The following NALF1 variants were observed in gnomAD, a reference collection of about 807,000 sequenced individuals.
NALF1 encodes the protein NALCN channel auxiliary factor 1, also known as family with sequence similarity 155 member A.
In NALF1, 3 loss-of-function variants were observed where a neutral mutation model predicts 48.4. That is an observed-to-expected ratio of 0.06 (90% CI 0.03 to 0.16). NALF1 has a LOEUF of 0.16. Ranked by LOEUF, NALF1 falls within the 10% of genes least tolerant of loss-of-function variation. The probability of loss-of-function intolerance (pLI) is 1.00; values close to 1 mark genes in which losing one functional copy is unlikely to be tolerated. For missense variants in NALF1, 526 were observed against 571.5 expected, an observed-to-expected ratio of 0.92 and a Z score of 0.81; for synonymous variants, 262 against 245.7, an observed-to-expected ratio of 1.07 and a Z score of -0.62.
chr13:107,797,822 T>G (rs944799183), intron 1 of NALF1, among the ~76,000 whole-genome samples: 1 of 152,136 alleles, frequency 6.6e-6, no homozygotes. Flanking sequence ...GAATCAATCT[T>G]ATATTTGAAT....
chr13:107,396,329 TG>T (rs1462707651), intron 1 of NALF1, among the ~76,000 whole-genome samples: 3 of 152,184 alleles, frequency 2.0e-5, no homozygotes, highest in African/African-American at 7.2e-5. Flanking sequence ...GGAAGCGTTC[TG>T]TGTTCGCAAA....
intron 1 of NALF1, among the ~76,000 whole-genome samples, chr13:107,797,397 G>A (rs749565814): frequency 1.3e-5 from 2 of 152,052 alleles, no homozygotes; most frequent in Non-Finnish European, 2.9e-5. Flanking sequence ...TTTTAGTAGA[G>A]AGGGGGTTTC....
chr13:107,788,273 T>A (rs1384602906), intron 1 of NALF1: 1 of 152,224 alleles, frequency 6.6e-6, no homozygotes, highest in East Asian at 1.9e-4. Flanking sequence ...TTGCCCTCAC[T>A]GATCTGTTGT....
chr13:107,749,439 G>A (rs79387638), intron 1 of NALF1, among the ~76,000 whole-genome samples: 2,029 of 151,792 alleles, frequency 0.013, 27 homozygotes, highest in African/African-American at 0.038. Context: ...TGTTCCAGGC[G>A]CCACGTAGAA....
chr13:107,411,605 A>G (rs1490749187), intron 1 of NALF1, among the ~76,000 whole-genome samples: 2 of 151,952 alleles, frequency 1.3e-5, no homozygotes, highest in Non-Finnish European at 2.9e-5. Context: ...TCATTGTCGT[A>G]CTCTTCACCA....
chr13:107,381,004 A>G (rs1594146062), intron 1 of NALF1, among the ~76,000 whole-genome samples: 1 of 150,192 alleles, frequency 6.7e-6, no homozygotes, highest in Non-Finnish European at 1.5e-5. Flanking sequence ...AAGAATACAT[A>G]CATTTTAGTA....
At chr13:107,678,108 T>C (rs989010869) in intron 1 of NALF1, among the ~76,000 whole-genome samples, 1 of 152,214 alleles carries the variant, frequency 6.6e-6, no homozygotes, top group African/African-American at 2.4e-5. Flanking sequence ...CCCTTTTGTG[T>C]GTCAAAAGGA....
intron 1 of NALF1, among the ~76,000 whole-genome samples, chr13:107,389,599 T>A (rs1403109265): frequency 6.6e-6 from 1 of 152,178 alleles, no homozygotes; most frequent in Non-Finnish European, 1.5e-5. Flanking sequence ...TGTGATACTT[T>A]ACTATGGCAG....
At chr13:107,573,135 T>A (rs898992340) in intron 1 of NALF1, among the ~76,000 whole-genome samples, 1 of 152,210 alleles carries the variant, frequency 6.6e-6, no homozygotes. Context: ...TTTATCCTCC[T>A]GTGCTATGTT....
chr13:107,523,114 GAGA>G (rs1215081505), intron 1 of NALF1, among the ~76,000 whole-genome samples: 2 of 152,078 alleles, frequency 1.3e-5, no homozygotes, highest in African/African-American at 4.8e-5. Flanking sequence ...GAGGATTAAG[GAGA>G]AGAACTAATG....
chr13:107,442,521 G>A (rs998653293), intron 1 of NALF1, among the ~76,000 whole-genome samples: 7 of 152,214 alleles, frequency 4.6e-5, no homozygotes, highest in South Asian at 2.1e-4. Flanking sequence ...AGGTAAATGC[G>A]TTTAATGAAG....
At chr13:107,535,673 TGC>T (rs1395324689) in intron 1 of NALF1, among the ~76,000 whole-genome samples, 1 of 152,194 alleles carries the variant, frequency 6.6e-6, no homozygotes, top group Non-Finnish European at 1.5e-5. Context: ...ATAGATTTAA[TGC>T]CATCCCCATC....
At chr13:107,370,969 C>G (rs1369783086) in intron 1 of NALF1, among the ~76,000 whole-genome samples, 1 of 152,118 alleles carries the variant, frequency 6.6e-6, no homozygotes, top group East Asian at 1.9e-4. Flanking sequence ...GTTTAATTAC[C>G]TTCCACCGCA....
chr13:107,681,671 C>T (rs937621587), intron 1 of NALF1, among the ~76,000 whole-genome samples: 2 of 152,090 alleles, frequency 1.3e-5, no homozygotes, highest in African/African-American at 4.8e-5. Context: ...TCTTGTGACA[C>T]TTAACGCCGA....
intron 1 of NALF1, among the ~76,000 whole-genome samples, chr13:107,775,129 T>C (rs573079152): frequency 2.0e-5 from 3 of 152,242 alleles, no homozygotes; most frequent in East Asian, 1.9e-4. Flanking sequence ...TATGTATAAA[T>C]GTCCCATGCT....
At chr13:107,462,538 G>C (rs559713001) in intron 1 of NALF1, among the ~76,000 whole-genome samples, 1 of 152,172 alleles carries the variant, frequency 6.6e-6, no homozygotes, top group East Asian at 1.9e-4. Flanking sequence ...GTGGTGAAGG[G>C]TCAACTCAGC....
intron 1 of NALF1, among the ~76,000 whole-genome samples, chr13:107,460,562 T>G (rs1228915484): frequency 6.6e-6 from 1 of 152,214 alleles, no homozygotes; most frequent in Non-Finnish European, 1.5e-5. Context: ...GATTCTGTGG[T>G]TAAGAAAAGC....
intron 2 of NALF1, among the ~76,000 whole-genome samples, chr13:107,180,011 A>G (rs1449808277): frequency 6.7e-6 from 1 of 148,910 alleles, no homozygotes; most frequent in African/African-American, 2.5e-5. Context: ...ATTTTCAAAT[A>G]AGCTCATATT....
At chr13:107,587,596 C>A (rs1015871049) in intron 1 of NALF1, among the ~76,000 whole-genome samples, 1 of 152,002 alleles carries the variant, frequency 6.6e-6, no homozygotes, top group Non-Finnish European at 1.5e-5. Flanking sequence ...ATAAGTGAGT[C>A]TGAGAAAGTG....
Sources: gnomAD v4.1 joint callset for allele counts (sites outside exome capture counted in the v4.1 genomes callset) on GRCh38, gnomAD v4.1.1 for gene constraint, MANE v1.5 for transcripts, NCBI Gene and HGNC (gene_info 2026-07-23, HGNC 2026-07-21) for gene names.